Variants in MMP8 observed in about 807,000 individuals in gnomAD.
MMP8 encodes the protein neutrophil collagenase.
A neutral mutation model predicts 51.2 loss-of-function variants in MMP8; 67 were observed. The ratio of observed to expected loss-of-function variants is 1.31; its 90% CI spans 1.08 to 1.60. The LOEUF (loss-of-function observed/expected upper bound fraction) is 1.60. MMP8 is among the 40% of genes most tolerant of loss of function. The probability of loss-of-function intolerance (pLI) is 0.00; values close to 1 mark genes in which losing one functional copy is unlikely to be tolerated. For synonymous variants in MMP8, 225 were observed against 191.0 expected (o/e 1.18, Z -1.47); for missense variants, 654 against 558.1 (o/e 1.17, Z -1.73).
At chr11:102,718,816 G>C (rs112675700) in intron 4 of MMP8, among the ~76,000 whole-genome samples, 12 of 152,192 alleles carry the variant, frequency 7.9e-5, no homozygotes, top group African/African-American at 2.9e-4. Context: ...ACCCAGAAAA[G>C]CTGCATTTAT....
rs1861480993 is a variant in MMP8, at chr11:102,721,774, G to A, written c.348-12C>T. 1 of 1,612,920 alleles carries A rather than the reference G, an allele frequency of 6.2e-7. No individual in the cohort carries two copies. Among genetic ancestry groups the A allele is most frequent in the Non-Finnish European group, 8.5e-7 (1 of 1,179,420 alleles). On this transcript the variant is annotated splice_polypyrimidine_tract_variant and intron_variant, in intron 2 of 9. Coordinates refer to ENST00000236826, the MANE Select transcript of MMP8 (RefSeq NM_002424.3). ...TATAGTTTCGAATCCTTCAAAATGAGAGGATGTATGAAGAGTTAAATGTTA... is the reference window on the plus strand; with the variant it reads ...TATAGTTTCGAATCCTTCAAAATGAAAGGATGTATGAAGAGTTAAATGTTA...
At chr11:102,723,000 CT>C (rs1861519354) in intron 1 of MMP8, 28 of 1,304,032 alleles carry the variant, frequency 2.1e-5, no homozygotes, top group Non-Finnish European at 2.8e-5. Context: ...CATTAATTGA[CT>C]TCTCTTGAGG....
At position 102,714,660 on chromosome 11, in the gene MMP8, G is replaced by A. The variant is rs769522615; in HGVS notation, c.1086C>T (p.Pro362=). Reference sequence around the variant, plus strand: ...GGAAGCCATAGTTTGATATATCCTTGGGATAACCTTGCAGAATATCATAGC... The same window carrying A: ...GGAAGCCATAGTTTGATATATCCTTAGGATAACCTTGCAGAATATCATAGC... ...LSGYDILQGY[P]KDISNYGFPS... Residue 362 remains proline, a synonymous_variant, in exon 8 of 10, where the codon CCC becomes CCT. Coordinates refer to ENST00000236826, the MANE Select transcript of MMP8 (RefSeq NM_002424.3). 5 of 1,551,108 alleles carry A rather than the reference G, an allele frequency of 3.2e-6. No homozygotes were observed. In the South Asian group the frequency reaches 6.2e-5, roughly 19 times the overall value.
chr11:102,713,778 C>T lies in MMP8; in HGVS notation c.1270G>A (p.Val424Ile). 1 of 1,609,402 alleles carries T rather than the reference C, an allele frequency of 6.2e-7. No individual in the cohort carries two copies. Among genetic ancestry groups the T allele is most frequent in the East Asian group, 2.2e-5 (1 of 44,796 alleles). The change falls in exon 9 of 10, where the codon GTT (valine) becomes ATT (isoleucine). Residue 424 changes from valine to isoleucine, a missense_variant. Physicochemically the swap from Val to Ile is conservative, Grantham distance 29. Transcript: ENST00000236826. ...SGAFPGIESK[V>I]DAVFQQEHFF... ...CGTTCTTGCTGGAAAACTGCATCAA[C>T]TTTACTCTCTATTCCTGGAAAGGCA...
chr11:102,716,138 G>A (rs371552602), intron 6 of MMP8, among the ~76,000 whole-genome samples, 164 bp downstream of exon 6: 1 of 151,956 alleles, frequency 6.6e-6, no homozygotes, highest in East Asian at 1.9e-4. Context: ...AAGCTCAGGG[G>A]GCTATGATAA....
At chr11:102,722,282 T>C (rs983518645) in intron 2 of MMP8, 147 bp downstream of exon 2, 1 of 898,190 alleles carries the variant, frequency 1.1e-6, no homozygotes, top group South Asian at 1.8e-5. Context: ...AACATTTTCA[T>C]TCTCATATTC....
In MMP8 at chr11:102,714,708, G is replaced by T. The variant is rs760905201; in HGVS notation, c.1038C>A (p.Gly346=). 6.7e-6 allele frequency: 10 copies of T among 1,486,608 alleles called. No individual in the cohort carries two copies. The highest frequency in any genetic ancestry group is 3.0e-5 in the African/African-American group (2 of 67,694). 92.1% of individuals were successfully genotyped at this position (1,486,608 alleles called of 1,614,324 possible). A position where few individuals can be genotyped will look rare whatever the true frequency, so the allele number is the denominator to read the frequency against. Reference sequence around the variant, plus strand: ...AGCCACTCAGAGCCCAGTATTGGTTGCCTGTCAATGATTCAGGTTAAGTGT... The same window carrying T: ...AGCCACTCAGAGCCCAGTATTGGTTTCCTGTCAATGATTCAGGTTAAGTGT... ...FDRDLIFLFK[G]NQYWALSGYD... The change falls in exon 8 of 10, where the codon GGC becomes GGA. Residue 346 remains glycine (G), a splice_region_variant and synonymous_variant. Transcript: ENST00000236826.
chr11:102,718,949 A>G (rs759003734), intron 4 of MMP8, among the ~76,000 whole-genome samples: 1 of 152,116 alleles, frequency 6.6e-6, no homozygotes, highest in Non-Finnish European at 1.5e-5. Flanking sequence ...TGTCCCAGAC[A>G]CTCAGCCTCA....
chr11:102,715,476 A>C (rs768015002), intron 6 of MMP8, 39 bp from the exon 7 acceptor site: 9 of 1,586,034 alleles, frequency 5.7e-6, no homozygotes, highest in Non-Finnish European at 7.7e-6. Flanking sequence ...ACACTTATAC[A>C]TAACAGTCTA....
intron 7 of MMP8, 55 bp from the exon 8 acceptor site, chr11:102,714,764 A>T (rs957694468): frequency 5.5e-4 from 4 of 7,290 alleles, no homozygotes; most frequent in East Asian, 2.4e-3. Flanking sequence ...TTACAAAATT[A>T]TATATATATA....
At chr11:102,714,004 G>A in intron 8 of MMP8, 147 bp from the exon 9 acceptor site, 2 of 529,218 alleles carry the variant, frequency 3.8e-6, no homozygotes, top group Non-Finnish European at 6.6e-6. Flanking sequence ...GATTAAGAAT[G>A]GTTAATTTCT....
Position 102,714,710 on chromosome 11 carries a change from C to G in MMP8, c.1037-1G>C. The G allele has an allele frequency of 7.4e-6, 11 of 1,483,340 alleles. No individual in the cohort carries two copies. Among genetic ancestry groups the G allele is most frequent in the South Asian group, 1.5e-5 (1 of 68,680 alleles). 91.9% of individuals were successfully genotyped at this position (1,483,340 alleles called of 1,614,324 possible). On this transcript the variant is annotated splice_acceptor_variant, in intron 7 of 9. Coordinates refer to ENST00000236826, the MANE Select transcript of MMP8 (RefSeq NM_002424.3). LOFTEE classifies it high-confidence loss of function. ...CCACTCAGAGCCCAGTATTGGTTGC[C>G]TGTCAATGATTCAGGTTAAGTGTTA...
Position 102,716,423 on chromosome 11 carries a change from GAAAAAAAAAAAAAAA to G in MMP8, c.785-19_785-5del. 2.5e-6 allele frequency: 1 copy of G among 394,586 alleles called. No homozygotes were observed. The highest frequency in any genetic ancestry group is 4.1e-6 in the Non-Finnish European group (1 of 243,702). 24.4% of individuals were successfully genotyped at this position (394,586 alleles called of 1,614,324 possible). A position where few individuals can be genotyped will look rare whatever the true frequency, so the allele number is the denominator to read the frequency against. Reference sequence around the variant, plus strand: ...TGGATAGGGTTGCTTGAAAGTCCTGGAAAAAAAAAAAAAAAAAAAAAAAAGGTCTTTCTTATGAGA... The same window carrying G: ...TGGATAGGGTTGCTTGAAAGTCCTGGAAAAAAAAAGGTCTTTCTTATGAGA... On this transcript the variant is annotated splice_region_variant and splice_polypyrimidine_tract_variant and intron_variant, in intron 5 of 9. Coordinates refer to ENST00000236826, the MANE Select transcript of MMP8 (RefSeq NM_002424.3).
rs1861160371 is a variant in MMP8 at position 102,712,697 on chromosome 11, CATA to C, written c.*648_*650del. 6.6e-6 allele frequency: 1 copy of C among 152,200 alleles called. No individual in the cohort carries two copies. Among genetic ancestry groups the C allele is most frequent in the East Asian group, 1.9e-4 (1 of 5,202 alleles). 9.4% of individuals were successfully genotyped at this position (152,200 alleles called of 1,614,324 possible). On this transcript the variant is annotated 3_prime_UTR_variant, in exon 10 of 10. Transcript: ENST00000236826. ...CTCTTCTTCTTATAAGAACAACAGT[CATA>C]ATGGATTTAGAGCCCACCCTAATTC...
At chr11:102,715,579 C>G (rs1353514098) in intron 6 of MMP8, 142 bp from the exon 7 acceptor site, 6 of 1,097,772 alleles carry the variant, frequency 5.5e-6, no homozygotes, top group Non-Finnish European at 5.1e-6. Context: ...GTTCCTAGCA[C>G]AGTGACCAGC....
At chr11:102,723,099 C>G (rs1369081771) in intron 1 of MMP8, 1 of 1,254,482 alleles carries the variant, frequency 8.0e-7, no homozygotes, top group Middle Eastern at 2.3e-4. Context: ...AACAGAAGCA[C>G]AGAGAATTAA....
intron 6 of MMP8, 130 bp downstream of exon 6, chr11:102,716,172 T>TA (rs944935205): frequency 1.6e-6 from 1 of 640,144 alleles, no homozygotes; most frequent in African/African-American, 1.9e-5. Flanking sequence ...CCAGAACCTA[T>TA]AAAAAATTCC....
At position 102,716,428 on chromosome 11, in the gene MMP8, A is replaced by T; in HGVS notation, c.785-9T>A. On this transcript the variant is annotated splice_polypyrimidine_tract_variant and intron_variant, in intron 5 of 9. Transcript: ENST00000236826. The stretch of plus-strand genomic sequence containing the variant: ...AGGGTTGCTTGAAAGTCCTGGAAAA[A>T]AAAAAAAAAAAAAAAAAAAGGTCTT... 7.5e-7 allele frequency: 1 copy of T among 1,331,428 alleles called. No homozygotes were observed. Among genetic ancestry groups the T allele is most frequent in the Non-Finnish European group, 1.0e-6 (1 of 982,528 alleles). The allele number at this position is 1,331,428 out of a possible 1,614,324, so 82.5% of individuals were successfully genotyped here. A position where few individuals can be genotyped will look rare whatever the true frequency, so the allele number is the denominator to read the frequency against.
At chr11:102,718,365 C>G (rs1861364645) in intron 5 of MMP8, 49 bp downstream of exon 5, 1 of 1,550,882 alleles carries the variant, frequency 6.4e-7, no homozygotes, top group Non-Finnish European at 8.8e-7. Flanking sequence ...GAGTGTTCGC[C>G]TATTCCCAGG....
Sources: gnomAD v4.1 joint callset for allele counts (sites outside exome capture counted in the v4.1 genomes callset) on GRCh38, gnomAD v4.1.1 for gene constraint, MANE v1.5 for transcripts, NCBI Gene and HGNC (gene_info 2026-07-23, HGNC 2026-07-21) for gene names.